The following SPAG16 variants were observed in gnomAD, a reference collection of about 807,000 sequenced individuals.
The protein encoded by SPAG16 is sperm-associated antigen 16 protein.
In SPAG16, 86 loss-of-function variants were observed where a neutral mutation model predicts 80.4. The observed-to-expected ratio is 1.07, with a 90% CI of 0.90 to 1.28. SPAG16 has a LOEUF of 1.28. Ranked by LOEUF, SPAG16 falls within the 50% of genes most tolerant of loss-of-function variation. The probability of loss-of-function intolerance (pLI) is 0.00; values close to 1 mark genes in which losing one functional copy is unlikely to be tolerated. For synonymous variants in SPAG16, 294 were observed against 265.9 expected, an observed-to-expected ratio of 1.11 and a Z score of -1.03; for missense variants, 870 against 765.3, an observed-to-expected ratio of 1.14 and a Z score of -1.61.
intron 14 of SPAG16, among the ~76,000 whole-genome samples, chr2:214,134,801 T>G (rs145165263): frequency 3.0e-4 from 46 of 152,284 alleles, no homozygotes; most frequent in Admixed American, 2.0e-3. Flanking sequence ...CATAAGAACT[T>G]TTTTTACATC....
intron 15 of SPAG16, among the ~76,000 whole-genome samples, chr2:214,153,381 T>C (rs1347533292): frequency 1.3e-5 from 2 of 152,192 alleles, no homozygotes; most frequent in Admixed American, 1.3e-4. Flanking sequence ...GAATAAAGAA[T>C]AATTGCTACA....
intron 10 of SPAG16, among the ~76,000 whole-genome samples, chr2:213,660,985 T>G (rs981198668): frequency 3.3e-5 from 5 of 152,178 alleles, no homozygotes; most frequent in Admixed American, 1.3e-4. Flanking sequence ...TCCCACTTTA[T>G]GCACTCTTAA....
chr2:214,230,173 G>T (rs1688590864), intron 15 of SPAG16, among the ~76,000 whole-genome samples: 1 of 151,844 alleles, frequency 6.6e-6, no homozygotes, highest in Non-Finnish European at 1.5e-5. Flanking sequence ...AGGGTATTTT[G>T]TGTATTAAAT....
intron 10 of SPAG16, among the ~76,000 whole-genome samples, chr2:213,681,920 C>T (rs966363566): frequency 3.3e-5 from 5 of 152,114 alleles, no homozygotes; most frequent in African/African-American, 1.2e-4. Flanking sequence ...ATATTTCTCT[C>T]TTCCTTTGAA....
chr2:214,296,337 A>G (rs1380377335), intron 15 of SPAG16, among the ~76,000 whole-genome samples: 1 of 152,196 alleles, frequency 6.6e-6, no homozygotes, highest in African/African-American at 2.4e-5. Context: ...TATTGTGGAT[A>G]GTGCTGCAAT....
chr2:213,463,988 G>A (rs944521751), intron 9 of SPAG16, among the ~76,000 whole-genome samples: 1 of 152,178 alleles, frequency 6.6e-6, no homozygotes, highest in African/African-American at 2.4e-5. Flanking sequence ...GCCTAGAGAG[G>A]GAGAAAGAAA....
At chr2:213,741,333 G>A (rs915253678) in intron 10 of SPAG16, among the ~76,000 whole-genome samples, 3 of 152,038 alleles carry the variant, frequency 2.0e-5, no homozygotes, top group African/African-American at 7.2e-5. Flanking sequence ...GTGATATGCT[G>A]ACTCCTATAT....
chr2:214,110,577 A>T (rs560880695), intron 14 of SPAG16, among the ~76,000 whole-genome samples: 4 of 152,322 alleles, frequency 2.6e-5, no homozygotes, highest in Non-Finnish European at 5.9e-5. Flanking sequence ...TGCTATTGTG[A>T]ATAGTGCTGC....
chr2:213,764,245 A>ATT (rs2068814111), intron 10 of SPAG16, among the ~76,000 whole-genome samples: 1 of 151,916 alleles, frequency 6.6e-6, no homozygotes, highest in African/African-American at 2.4e-5. Flanking sequence ...TTTAGGAGTA[A>ATT]TTTTCTTTCA....
At chr2:214,226,587 G>T (rs1163940521) in intron 15 of SPAG16, among the ~76,000 whole-genome samples, 1 of 151,970 alleles carries the variant, frequency 6.6e-6, no homozygotes, top group Non-Finnish European at 1.5e-5. Flanking sequence ...ACCTTTTGTT[G>T]TTCACCAAAA....
At chr2:213,799,671 A>G (rs746788360) in intron 10 of SPAG16, among the ~76,000 whole-genome samples, 2 of 152,142 alleles carry the variant, frequency 1.3e-5, no homozygotes, top group Non-Finnish European at 2.9e-5. Context: ...GTGTTTTTCT[A>G]TAACAGTTTT....
chr2:213,350,329 C>G (rs557667046), intron 6 of SPAG16, among the ~76,000 whole-genome samples, 199 bp from the exon 7 acceptor site: 32 of 152,312 alleles, frequency 2.1e-4, no homozygotes, highest in African/African-American at 7.5e-4. Flanking sequence ...TTTGCTCCCT[C>G]ACTGCACCCT....
intron 15 of SPAG16, among the ~76,000 whole-genome samples, chr2:214,153,085 G>GC (rs1349923220): frequency 2.0e-5 from 3 of 151,990 alleles, no homozygotes; most frequent in Non-Finnish European, 4.4e-5. Flanking sequence ...TCTCTAAACT[G>GC]CCCCGGGGAA....
At chr2:213,721,041 C>T (rs1308762683) in intron 10 of SPAG16, among the ~76,000 whole-genome samples, 2 of 151,962 alleles carry the variant, frequency 1.3e-5, no homozygotes, top group African/African-American at 4.8e-5. Flanking sequence ...TGTGAGCCAC[C>T]GTGCCCAGCC....
At chr2:213,980,725 T>TATATATATATATATAGAGAGAGAGAG (rs374274176) in intron 12 of SPAG16, among the ~76,000 whole-genome samples, 69 of 103,984 alleles carry the variant, frequency 6.6e-4, no homozygotes, top group African/African-American at 2.8e-3. Context: ...TATATATATA[T>TATATATATATATATAGAGAGAGAGAG]AGAGAGAGAG....
At chr2:213,857,162 G>A (rs999084833) in intron 10 of SPAG16, among the ~76,000 whole-genome samples, 17 of 152,240 alleles carry the variant, frequency 1.1e-4, no homozygotes, top group Admixed American at 5.9e-4. Flanking sequence ...CCCGGGAGGC[G>A]GAGGTTGCAG....
intron 15 of SPAG16, among the ~76,000 whole-genome samples, chr2:214,192,550 T>C (rs1168572828): frequency 6.6e-6 from 1 of 152,148 alleles, no homozygotes; most frequent in Non-Finnish European, 1.5e-5. Context: ...TGTAATGTAT[T>C]CTTTCAAAAG....
intron 10 of SPAG16, among the ~76,000 whole-genome samples, chr2:213,548,220 C>CT (rs1349499389): frequency 3.3e-5 from 5 of 151,152 alleles, no homozygotes; most frequent in African/African-American, 4.9e-5. Context: ...TTCCTTACAG[C>CT]TTTTTTTTTC....
At chr2:213,889,268 A>G (rs963582676) in intron 11 of SPAG16, among the ~76,000 whole-genome samples, 2 of 151,964 alleles carry the variant, frequency 1.3e-5, no homozygotes, top group South Asian at 4.1e-4. Context: ...TATATAGTGT[A>G]TAAATATATC....
Sources: gnomAD v4.1 joint callset for allele counts (sites outside exome capture counted in the v4.1 genomes callset) on GRCh38, gnomAD v4.1.1 for gene constraint, MANE v1.5 for transcripts, NCBI Gene and HGNC (gene_info 2026-07-23, HGNC 2026-07-21) for gene names.